SH3BGRL: variants seen among roughly 807,000 people sequenced by gnomAD.
SH3BGRL encodes SH3 domain binding glutamate rich protein like, also known as adapter SH3BGRL.
Under a neutral mutation model 9.8 loss-of-function variants are expected in SH3BGRL, and 7 were observed. The observed-to-expected ratio is 0.72, with a 90% CI of 0.41 to 1.35. SH3BGRL has a LOEUF of 1.35. SH3BGRL is among the 40% of genes most tolerant of loss of function. The probability of loss-of-function intolerance (pLI) is 0.01; values close to 1 mark genes in which losing one functional copy is unlikely to be tolerated. For missense variants in SH3BGRL, 73 were observed against 84.4 expected (o/e 0.86, Z 0.53); for synonymous variants, 36 against 29.1 (o/e 1.24, Z -0.76).
At chrX:81,255,986 C>A (rs1224410852) in intron 1 of SH3BGRL, among the ~76,000 whole-genome samples, 1 of 112,129 alleles carries the variant, frequency 8.9e-6, no homozygotes, top group Non-Finnish European at 1.9e-5. Flanking sequence ...TGAGAATTTT[C>A]ATGTGTGTTT....
chrX:81,260,862 C>T (rs1480859435), intron 1 of SH3BGRL, among the ~76,000 whole-genome samples: 1 of 110,714 alleles, frequency 9.0e-6, no homozygotes, highest in Non-Finnish European at 1.9e-5. Context: ...AGGCAGGAGT[C>T]GAACACTGAT....
At position 81,241,411 on chromosome X, in the gene SH3BGRL, G is replaced by A. The variant is rs1034983255; in HGVS notation, c.46-35573G>A. On this transcript the variant is annotated intron_variant, in intron 1 of 3. Coordinates refer to ENST00000373212, the MANE Select transcript of SH3BGRL (RefSeq NM_003022.3). ...CTGAAATCTGGGGGCCAGGCTGCCA[G>A]TTCCAAGTGGAGTCCATGGCCCAGA... Among the ~76,000 whole-genome samples the A allele has an allele frequency of 9.8e-5, 11 of 112,173 alleles. No homozygotes were observed. The East Asian group carries it at 2.3e-3, about 23-fold the overall frequency.
At chrX:81,288,571 TAAAC>T (rs915341743) in intron 3 of SH3BGRL, among the ~76,000 whole-genome samples, 1 of 112,438 alleles carries the variant, frequency 8.9e-6, no homozygotes, top group Non-Finnish European at 1.9e-5. Flanking sequence ...TTAGGACTGA[TAAAC>T]AAACTCAGTA....
Position 81,276,980 on chromosome X carries a change from C to T in SH3BGRL, c.46-4C>T. ...AAATACGGTTTCTTGTCCTTTGGTC[C>T]TAGATTAAGAAGAAACAACAAGATG... On this transcript the variant is annotated splice_polypyrimidine_tract_variant and splice_region_variant and intron_variant, in intron 1 of 3. Coordinates refer to ENST00000373212, the MANE Select transcript of SH3BGRL (RefSeq NM_003022.3). The T allele has an allele frequency of 3.3e-6, 4 of 1,198,819 alleles. No individual in the cohort carries two copies. Among genetic ancestry groups the T allele is most frequent in the Non-Finnish European group, 4.5e-6 (4 of 890,089 alleles).
chrX:81,222,237 A>G (rs1487285849), intron 1 of SH3BGRL, among the ~76,000 whole-genome samples: 1 of 110,401 alleles, frequency 9.1e-6, no homozygotes, highest in Non-Finnish European at 1.9e-5. Context: ...TTTGTTACAT[A>G]TGTATACATG....
chrX:81,272,720 C>A (rs974908174), intron 1 of SH3BGRL, among the ~76,000 whole-genome samples: 1 of 109,918 alleles, frequency 9.1e-6, no homozygotes. Flanking sequence ...AGGATGGTCT[C>A]GATCTCCTGA....
At chrX:81,282,990 A>G (rs1055072853) in intron 3 of SH3BGRL, among the ~76,000 whole-genome samples, 1 of 112,484 alleles carries the variant, frequency 8.9e-6, no homozygotes, top group African/African-American at 3.2e-5. Context: ...AGGAAATATT[A>G]TAACTGACAC....
At chrX:81,249,205 C>A (rs923528090) in intron 1 of SH3BGRL, among the ~76,000 whole-genome samples, 7 of 112,543 alleles carry the variant, frequency 6.2e-5, no homozygotes, top group Non-Finnish European at 1.3e-4. Context: ...AAAGTCTCAG[C>A]TCAATAAATA....
At chrX:81,222,536 T>A (rs1357203162) in intron 1 of SH3BGRL, among the ~76,000 whole-genome samples, 1 of 110,902 alleles carries the variant, frequency 9.0e-6, no homozygotes, top group Non-Finnish European at 1.9e-5. Context: ...TATTCCATGG[T>A]GTATATGTGC....
chrX:81,280,970 G>GA (rs1391840153), intron 3 of SH3BGRL, among the ~76,000 whole-genome samples: 2 of 110,739 alleles, frequency 1.8e-5, no homozygotes, highest in Admixed American at 1.9e-4. Context: ...ACAGTGTAAG[G>GA]AAAAAAACAA....
chrX:81,245,497 G>A (rs184102594), intron 1 of SH3BGRL, among the ~76,000 whole-genome samples: 5 of 112,196 alleles, frequency 4.5e-5, no homozygotes, highest in African/African-American at 1.3e-4. Flanking sequence ...AAATGCAGAA[G>A]CAGTTATATG....
At chrX:81,248,808 GAGAA>G (rs2075699215) in intron 1 of SH3BGRL, among the ~76,000 whole-genome samples, 2 of 112,073 alleles carry the variant, frequency 1.8e-5, no homozygotes, top group Non-Finnish European at 3.8e-5. Context: ...CAGGGGTTGG[GAGAA>G]AGAAAGCGCT....
At chrX:81,267,619 T>C (rs1199506591) in intron 1 of SH3BGRL, among the ~76,000 whole-genome samples, 1 of 111,729 alleles carries the variant, frequency 9.0e-6, no homozygotes, top group Non-Finnish European at 1.9e-5. Context: ...CAGTATTTTA[T>C]TGAGGATTTT....
chrX:81,215,447 A>G (rs1391738138), intron 1 of SH3BGRL, among the ~76,000 whole-genome samples: 1 of 111,192 alleles, frequency 9.0e-6, no homozygotes, highest in Non-Finnish European at 1.9e-5. Context: ...CCACTGGACT[A>G]AACTCTGGAC....
chrX:81,217,733 G>T (rs2075585603), intron 1 of SH3BGRL, among the ~76,000 whole-genome samples: 1 of 111,329 alleles, frequency 9.0e-6, no homozygotes, highest in South Asian at 3.7e-4. Context: ...TGCAGTTGTT[G>T]GGTAGAATGT....
intron 1 of SH3BGRL, among the ~76,000 whole-genome samples, chrX:81,266,854 G>A (rs916290511): frequency 8.9e-6 from 1 of 111,744 alleles, no homozygotes; most frequent in Non-Finnish European, 1.9e-5. Context: ...AATGTTTTTC[G>A]ATTTGTTTGT....
intron 3 of SH3BGRL, among the ~76,000 whole-genome samples, chrX:81,289,292 A>G (rs1465218477): frequency 1.8e-5 from 2 of 111,959 alleles, no homozygotes; most frequent in African/African-American, 6.5e-5. Flanking sequence ...GAAGACTTAA[A>G]TCTAATACCT....
chrX:81,251,173 A>G (rs1028209039), intron 1 of SH3BGRL, among the ~76,000 whole-genome samples: 4 of 112,302 alleles, frequency 3.6e-5, no homozygotes, highest in African/African-American at 1.3e-4. Flanking sequence ...TTTATGCAAT[A>G]TCATTTAAAA....
In SH3BGRL at chrX:81,285,429, G is replaced by A. The variant is rs139015040; in HGVS notation, c.312+7018G>A. ...TTTTGAAAACCAAAATGGCAAATAC[G>A]TGTCAAGGATCTCAAAAATATTGGT... On this transcript the variant is annotated intron_variant, in intron 3 of 3. Transcript: ENST00000373212. Among the ~76,000 whole-genome samples the A allele has an allele frequency of 6.2e-4, 69 of 111,517 alleles. No individual in the cohort carries two copies. The East Asian group carries it at 0.013, about 21-fold the overall frequency.
Sources: gnomAD v4.1 joint callset for allele counts (sites outside exome capture counted in the v4.1 genomes callset) on GRCh38, gnomAD v4.1.1 for gene constraint, MANE v1.5 for transcripts, NCBI Gene and HGNC (gene_info 2026-07-23, HGNC 2026-07-21) for gene names.